PALS1: variants seen among roughly 807,000 people sequenced by gnomAD.
PALS1 encodes protein associated with LIN7 1, MAGUK p55 family member.
PALS1 carries 31 observed loss-of-function variants against 78.9 expected under a neutral mutation model. The ratio of observed to expected loss-of-function variants is 0.39; its 90% CI spans 0.30 to 0.53. The LOEUF is 0.53. Among genes scored for constraint, PALS1 ranks in the 20% least tolerant of loss-of-function variants. The pLI, the probability that PALS1 is intolerant of heterozygous loss-of-function variation, is 0.67. For missense variants in PALS1, 704 were observed against 826.5 expected, an observed-to-expected ratio of 0.85 and a Z score of 1.82; for synonymous variants, 276 against 270.9, an observed-to-expected ratio of 1.02 and a Z score of -0.18.
intron 2 of PALS1, among the ~76,000 whole-genome samples, chr14:67,274,180 G>A (rs188709641): frequency 5.9e-5 from 9 of 152,284 alleles, no homozygotes; most frequent in Non-Finnish European, 1.0e-4. Context: ...TGGTGTTTTA[G>A]TCATGAAGTC....
chr14:67,321,373 C>T (rs1173303629), intron 13 of PALS1, 114 bp downstream of exon 13: 18 of 933,684 alleles, frequency 1.9e-5, no homozygotes, highest in East Asian at 4.9e-5. Context: ...AGTTCTCATA[C>T]GGTTTTTCCC....
intron 9 of PALS1, among the ~76,000 whole-genome samples, chr14:67,313,855 C>T (rs548394206): frequency 8.6e-5 from 13 of 151,768 alleles, no homozygotes; most frequent in African/African-American, 2.7e-4. Context: ...ACTGTATATG[C>T]TCAGTTTATA....
intron 3 of PALS1, among the ~76,000 whole-genome samples, chr14:67,290,149 GT>G (rs2084751539): frequency 6.6e-6 from 1 of 152,050 alleles, no homozygotes. Context: ...TCATTTACAG[GT>G]TTAATTTTAG....
At chr14:67,278,226 G>A (rs2084538124) in intron 2 of PALS1, among the ~76,000 whole-genome samples, 1 of 151,990 alleles carries the variant, frequency 6.6e-6, no homozygotes, top group Admixed American at 6.6e-5. Context: ...TCTTAGTAGA[G>A]ACGGGGTTTT....
At chr14:67,272,794 G>A (rs1479107668) in intron 2 of PALS1, among the ~76,000 whole-genome samples, 1 of 152,110 alleles carries the variant, frequency 6.6e-6, no homozygotes, top group Admixed American at 6.5e-5. Context: ...GAGTAGCTGG[G>A]ACTACAGGCA....
intron 7 of PALS1, 132 bp downstream of exon 7, chr14:67,302,703 T>A: frequency 1.5e-6 from 1 of 653,042 alleles, no homozygotes; most frequent in Non-Finnish European, 2.3e-6. Context: ...ATGATGTAAC[T>A]GTTCCACAGT....
At chr14:67,276,865 A>T (rs562567947) in intron 2 of PALS1, among the ~76,000 whole-genome samples, 3 of 152,196 alleles carry the variant, frequency 2.0e-5, no homozygotes, top group Non-Finnish European at 4.4e-5. Context: ...ATTTTCCCTC[A>T]TAGTGTAGTG....
At chr14:67,307,514 C>T (rs1167917423) in intron 8 of PALS1, among the ~76,000 whole-genome samples, 2 of 152,138 alleles carry the variant, frequency 1.3e-5, no homozygotes, top group Non-Finnish European at 2.9e-5. Flanking sequence ...CTGTGCCAGG[C>T]ACTACAGAGA....
intron 2 of PALS1, among the ~76,000 whole-genome samples, chr14:67,276,415 C>A (rs2084506901): frequency 3.9e-5 from 6 of 152,024 alleles, no homozygotes; most frequent in Admixed American, 3.9e-4. Flanking sequence ...TTTTAGTTGC[C>A]CTTTGAAATC....
Position 67,320,411 on chromosome 14 carries a change from C to T in PALS1, c.1537+14C>T. 1.3e-6 allele frequency: 2 copies of T among 1,578,970 alleles called. No individual in the cohort carries two copies. The highest frequency in any genetic ancestry group is 1.4e-5 in the African/African-American group (1 of 73,430). ...CTGCAGTTCCTCGTAAGTTTGAATG[C>T]ATTCCCATTTTCCTGTGCTTTTCAA... is the stretch of plus-strand genomic sequence containing the variant. On this transcript the variant is annotated intron_variant, in intron 12 of 14. Coordinates refer to ENST00000261681, the MANE Select transcript of PALS1 (RefSeq NM_022474.4).
intron 11 of PALS1, among the ~76,000 whole-genome samples, chr14:67,318,721 T>G (rs555508934): frequency 6.6e-6 from 1 of 152,222 alleles, no homozygotes; most frequent in African/African-American, 2.4e-5. Flanking sequence ...CTATATGATG[T>G]TGTTCTCACA....
intron 4 of PALS1, among the ~76,000 whole-genome samples, chr14:67,298,832 C>G (rs1388895139): frequency 6.6e-6 from 1 of 152,218 alleles, no homozygotes; most frequent in Non-Finnish European, 1.5e-5. Flanking sequence ...ACAATCACCT[C>G]TTTCAATCCT....
chr14:67,326,848 A>G (rs1240286482), intron 14 of PALS1, among the ~76,000 whole-genome samples: 2 of 152,220 alleles, frequency 1.3e-5, no homozygotes, highest in Admixed American at 6.5e-5. Flanking sequence ...ATATACCACA[A>G]TTTATCCATT....
intron 13 of PALS1, among the ~76,000 whole-genome samples, chr14:67,322,149 C>T (rs2085271716): frequency 6.6e-6 from 1 of 151,956 alleles, no homozygotes; most frequent in Non-Finnish European, 1.5e-5. Context: ...AGTTCCAGAC[C>T]AGCCTGGGCA....
At chr14:67,326,406 C>T (rs1441025241) in intron 14 of PALS1, among the ~76,000 whole-genome samples, 5 of 151,578 alleles carry the variant, frequency 3.3e-5, no homozygotes, top group Non-Finnish European at 7.4e-5. Flanking sequence ...GGAAGTTGAT[C>T]AGTACCAAAA....
At chr14:67,245,625 A>T (rs73280932) in intron 1 of PALS1, among the ~76,000 whole-genome samples, 24,633 of 151,940 alleles carry the variant, frequency 0.16, 3,824 homozygotes, top group East Asian at 0.43. Context: ...GTGGTGGGAT[A>T]ACACGCATGA....
chr14:67,272,648 T>A (rs1048407012), intron 2 of PALS1, among the ~76,000 whole-genome samples: 6 of 152,150 alleles, frequency 3.9e-5, no homozygotes, highest in African/African-American at 1.4e-4. Context: ...TTCTACTGAT[T>A]CTGTAACCTA....
At position 67,333,611 on chromosome 14, in the gene PALS1, C is replaced by CACCG; in HGVS notation, c.*656_*657insCCGA. 6.5e-6 allele frequency: 1 copy of CACCG among 152,706 alleles called. No individual in the cohort carries two copies. The highest frequency in any genetic ancestry group is 1.5e-5 in the Non-Finnish European group (1 of 68,022). 9.5% of individuals were successfully genotyped at this position (152,706 alleles called of 1,614,324 possible). A position where few individuals can be genotyped will look rare whatever the true frequency, so the allele number is the denominator to read the frequency against. On this transcript the variant is annotated 3_prime_UTR_variant, in exon 15 of 15. Transcript: ENST00000261681. Reference sequence around the variant, plus strand: ...GTTTTTTTGCTCAGACTTTGTGGATCAGACTCTACACTCAACACACTCTAA... The same window carrying CACCG: ...GTTTTTTTGCTCAGACTTTGTGGATCACCGAGACTCTACACTCAACACACTCTAA...
intron 2 of PALS1, among the ~76,000 whole-genome samples, chr14:67,275,855 A>T (rs565817086): frequency 6.6e-6 from 1 of 152,024 alleles, no homozygotes; most frequent in Non-Finnish European, 1.5e-5. Context: ...TTGGGAGGGT[A>T]TATGTGTCCA....
Sources: allele counts gnomAD v4.1 joint callset (sites outside exome capture counted in the v4.1 genomes callset), GRCh38; gene constraint gnomAD v4.1.1; transcripts MANE v1.5; gene names NCBI Gene and HGNC (gene_info 2026-07-23, HGNC 2026-07-21).